COL13A1: variants seen among roughly 807,000 people sequenced by gnomAD.
COL13A1 encodes collagen type XIII alpha 1 chain, also known as collagen alpha-1(XIII) chain.
In COL13A1, 89 loss-of-function variants were observed where a neutral mutation model predicts 130.9. The ratio of observed to expected loss-of-function variants is 0.68; its 90% confidence interval spans 0.57 to 0.81. The LOEUF is 0.81. Ranked by LOEUF, COL13A1 falls within the 30% of genes least tolerant of loss-of-function variation. COL13A1 has a pLI of 0.00. For missense variants in COL13A1, 879 were observed against 934.6 expected (o/e 0.94, Z 0.78); for synonymous variants, 402 against 341.6 (o/e 1.18, Z -1.95).
chr10:69,870,158 GTGTA>G lies in COL13A1; in HGVS notation c.373-2022_373-2019del, dbSNP rs958885985. Among the ~76,000 whole-genome samples, 4 of 151,816 alleles carry G rather than the reference GTGTA, an allele frequency of 2.6e-5. 1 individual carries two copies. The highest frequency in any genetic ancestry group is 6.6e-5 in the Admixed American group (1 of 15,258). ...CATATGGATGTTGTAAGGTATATGT[GTGTA>G]TGTGTGTGTACTGTATATATATATT... On this transcript the variant is annotated intron_variant, in intron 3 of 40. Transcript: ENST00000645393.
chr10:69,894,443 C>A, intron 10 of COL13A1, 109 bp from the exon 11 acceptor site: 1 of 1,335,788 alleles, frequency 7.5e-7, no homozygotes, highest in Non-Finnish European at 1.0e-6. Context: ...CTGGCCATGG[C>A]TGGTAGAGCC....
At chr10:69,935,520 C>A (rs375053967) in intron 32 of COL13A1, 129 bp downstream of exon 32, 1 of 666,866 alleles carries the variant, frequency 1.5e-6, no homozygotes, top group Non-Finnish European at 2.5e-6. Flanking sequence ...GTCTACAAAC[C>A]CCTCCCCGCT....
In COL13A1 at chr10:69,870,894, C is replaced by T. The variant is rs115710992; in HGVS notation, c.373-1290C>T. Among the ~76,000 whole-genome samples the T allele has an allele frequency of 4.8e-3, 733 of 151,754 alleles. 12 individuals carry two copies. The highest frequency in any genetic ancestry group is 0.017 in the African/African-American group (687 of 41,350). On this transcript the variant is annotated intron_variant, in intron 3 of 40. Coordinates refer to ENST00000645393, the MANE Select transcript of COL13A1 (RefSeq NM_001368882.1). ...GTCGGGCTGCAGTGAGGTAGGAGCA[C>T]GCCTGATGCTTGGGCGAAGCACAGT...
chr10:69,860,742 C>T (rs892953847), intron 2 of COL13A1: 4 of 259,680 alleles, frequency 1.5e-5, no homozygotes, highest in Non-Finnish European at 3.1e-5. Context: ...TTTCCTGAGC[C>T]CCAGGCTGCT....
intron 2 of COL13A1, among the ~76,000 whole-genome samples, chr10:69,846,560 C>T (rs184102592): frequency 5.9e-5 from 9 of 152,232 alleles, no homozygotes; most frequent in Non-Finnish European, 1.0e-4. Context: ...TTCCCCCACC[C>T]TGCCCTCCCC....
At chr10:69,930,357 C>T (rs376374323) in intron 29 of COL13A1, 43 bp from the exon 30 acceptor site, 1 of 1,550,238 alleles carries the variant, frequency 6.5e-7, no homozygotes, top group South Asian at 1.2e-5. Flanking sequence ...CTCCTCTTTT[C>T]TCCATTAATG....
intron 10 of COL13A1, 134 bp downstream of exon 10, chr10:69,889,574 T>C: frequency 1.8e-6 from 2 of 1,137,506 alleles, no homozygotes; most frequent in Non-Finnish European, 2.6e-6. Context: ...TCCCCAGCTG[T>C]GTAAACCACA....
At chr10:69,904,403 C>A (rs2062518489) in intron 15 of COL13A1, among the ~76,000 whole-genome samples, 1 of 152,202 alleles carries the variant, frequency 6.6e-6, no homozygotes, top group African/African-American at 2.4e-5. Context: ...GCTGTCCACA[C>A]CTACACCCAA....
Position 69,921,906 on chromosome 10 carries a change from C to T in COL13A1, c.1114C>T (p.Pro372Ser). Reference protein sequence around the residue: ...QRGEKGAEGSPGLPGLLGQKG... With the variant: ...QRGEKGAEGSSGLPGLLGQKG... ...GGGTGAGAAGGGGGCTGAAGGCTCC[C>T]CTGGGCTTCCTGGCCTCCTGGGGCA... Residue 372 changes from proline (P) to serine (S), a missense_variant, in exon 22 of 41, where the codon CCT becomes TCT. This residue lies in a region of COL13A1 where 715 missense variants were observed against 721.0 expected (regional missense o/e 0.99). Coordinates refer to ENST00000645393, the MANE Select transcript of COL13A1 (RefSeq NM_001368882.1). 1 of 1,607,210 alleles carries T rather than the reference C, an allele frequency of 6.2e-7. No homozygotes were observed. The highest frequency in any genetic ancestry group is 8.5e-7 in the Non-Finnish European group (1 of 1,177,144).
chr10:69,814,458 A>C (rs1233130816), intron 1 of COL13A1, among the ~76,000 whole-genome samples: 3 of 152,202 alleles, frequency 2.0e-5, no homozygotes, highest in African/African-American at 7.2e-5. Context: ...GCACTGGCTC[A>C]AGAGAGAAGT....
intron 40 of COL13A1, 105 bp downstream of exon 40, chr10:69,957,147 G>C (rs2070893522): frequency 1.1e-6 from 1 of 932,782 alleles, no homozygotes; most frequent in Non-Finnish European, 1.8e-6. Context: ...CAAGACATAG[G>C]TCAAATAGTC....
At chr10:69,908,384 T>A (rs192423295) in intron 17 of COL13A1, among the ~76,000 whole-genome samples, 1 of 152,276 alleles carries the variant, frequency 6.6e-6, no homozygotes, top group East Asian at 1.9e-4. Flanking sequence ...CTCTATCCAC[T>A]CACACAGACT....
At chr10:69,833,389 TC>T (rs1849269605) in intron 2 of COL13A1, among the ~76,000 whole-genome samples, 1 of 152,218 alleles carries the variant, frequency 6.6e-6, no homozygotes, top group African/African-American at 2.4e-5. Context: ...GCCTACGTGC[TC>T]TTTAGGGCTC....
rs1180443466 is a variant in COL13A1, at chr10:69,801,952, C to G, written c.-472C>G. 1.9e-5 allele frequency: 3 copies of G among 155,650 alleles called. No individual in the cohort carries two copies. The highest frequency in any genetic ancestry group is 4.3e-5 in the Non-Finnish European group (3 of 70,588). 9.6% of individuals were successfully genotyped at this position (155,650 alleles called of 1,614,324 possible). The stretch of plus-strand genomic sequence containing the variant: ...GGAGTGTGTCAAGTTACAGAGGCGC[C>G]GGAATCGGCCCCTGCGCTCCTCGCC... On this transcript the variant is annotated 5_prime_UTR_variant, in exon 1 of 41. Transcript: ENST00000645393.
At chr10:69,838,920 C>T (rs1850835376) in intron 2 of COL13A1, among the ~76,000 whole-genome samples, 1 of 152,250 alleles carries the variant, frequency 6.6e-6, no homozygotes, top group East Asian at 1.9e-4. Context: ...TGAGTTCCTG[C>T]GTGTGAAGCC....
At chr10:69,819,232 T>TG (rs1477101083) in intron 1 of COL13A1, among the ~76,000 whole-genome samples, 36 of 152,330 alleles carry the variant, frequency 2.4e-4, no homozygotes, top group African/African-American at 8.7e-4. Flanking sequence ...GATTATACAA[T>TG]GGGGCTGATT....
At position 69,930,459 on chromosome 10, in the gene COL13A1, G is replaced by C; in HGVS notation, c.1590G>C (p.Lys530Asn). The C allele has an allele frequency of 6.2e-7, 1 of 1,613,872 alleles. No individual in the cohort carries two copies. The highest frequency in any genetic ancestry group is 2.2e-5 in the East Asian group (1 of 44,874). Residue 530 changes from lysine (K) to asparagine (N), a missense_variant, in exon 30 of 41, where the codon AAG (lysine) becomes AAC (asparagine). Physicochemically the swap from Lys to Asn is moderately conservative, Grantham distance 94. Transcript: ENST00000645393. ...GPPGPQGPPGKDGPPGVKGEN... is the reference protein window; with the variant it reads ...GPPGPQGPPGNDGPPGVKGEN... ...CTGGTCCCCAAGGCCCCCCAGGAAA[G>C]GATGGACCTCCAGGAGTGAAGGGAG...
At chr10:69,897,731 C>G (rs2134954289) in intron 13 of COL13A1, among the ~76,000 whole-genome samples, 1 of 152,298 alleles carries the variant, frequency 6.6e-6, no homozygotes, top group Non-Finnish European at 1.5e-5. Context: ...CATTCGCAGC[C>G]CAAGCAGCTC....
intron 14 of COL13A1, among the ~76,000 whole-genome samples, chr10:69,901,955 A>G (rs373804417): frequency 1.9e-4 from 29 of 152,278 alleles, no homozygotes; most frequent in African/African-American, 5.5e-4. Flanking sequence ...AACTCTTTCA[A>G]TGAAACCAAA....
Sources: gnomAD v4.1 joint callset for allele counts (sites outside exome capture counted in the v4.1 genomes callset) on GRCh38, gnomAD v4.1.1 for gene constraint, gnomAD v4.1.1 regional missense constraint, MANE v1.5 for transcripts, NCBI Gene and HGNC (gene_info 2026-07-23, HGNC 2026-07-21) for gene names.